Variants in GRIK3 observed in about 807,000 individuals in gnomAD.
GRIK3 encodes glutamate receptor ionotropic, kainate 3.
Under a neutral mutation model 102.5 loss-of-function variants are expected in GRIK3, and 29 were observed. The observed-to-expected ratio is 0.28, with a 90% confidence interval of 0.21 to 0.39. The LOEUF is 0.39. GRIK3 is among the 10% of genes least tolerant of loss of function. The pLI, the probability that GRIK3 is intolerant of heterozygous loss-of-function variation, is 1.00. For synonymous variants in GRIK3, 511 were observed against 504.9 expected (o/e 1.01, Z -0.16); for missense variants, 908 against 1,252.4 (o/e 0.73, Z 4.15).
At chr1:36,967,826 C>G (rs939844893) in intron 1 of GRIK3, among the ~76,000 whole-genome samples, 5 of 152,186 alleles carry the variant, frequency 3.3e-5, no homozygotes, top group African/African-American at 1.2e-4. Flanking sequence ...ATAGCAAAAG[C>G]ACATCCTGTT....
intron 13 of GRIK3, among the ~76,000 whole-genome samples, chr1:36,812,166 C>G (rs1055935003): frequency 9.2e-5 from 14 of 152,084 alleles, no homozygotes; most frequent in African/African-American, 3.4e-4. Context: ...AAGGAAGGGT[C>G]TGTCATGCAG....
intron 2 of GRIK3, among the ~76,000 whole-genome samples, chr1:36,887,771 AATAT>A (rs71053957): frequency 0.02 from 2,117 of 106,642 alleles, 56 homozygotes; most frequent in African/African-American, 0.074. Flanking sequence ...AAAAAAAAAA[AATAT>A]ATATATATAT....
chr1:36,848,454 T>C (rs1253777487), intron 9 of GRIK3, among the ~76,000 whole-genome samples: 1 of 152,206 alleles, frequency 6.6e-6, no homozygotes, highest in Non-Finnish European at 1.5e-5. Context: ...TATTATTTTA[T>C]TTTTACCCTT....
chr1:36,802,943 T>C (rs1270329319), intron 15 of GRIK3, among the ~76,000 whole-genome samples: 1 of 152,040 alleles, frequency 6.6e-6, no homozygotes, highest in Non-Finnish European at 1.5e-5. Context: ...AAATACTTAA[T>C]GCGACCCTAC....
intron 3 of GRIK3, among the ~76,000 whole-genome samples, chr1:36,875,007 T>C (rs1640897580): frequency 6.6e-6 from 1 of 152,214 alleles, no homozygotes; most frequent in African/African-American, 2.4e-5. Flanking sequence ...ATATCTGCAG[T>C]GAATCATGGT....
chr1:36,916,479 T>C (rs1394229994), intron 1 of GRIK3, among the ~76,000 whole-genome samples: 2 of 152,144 alleles, frequency 1.3e-5, no homozygotes, highest in Non-Finnish European at 2.9e-5. Context: ...TCAGAGGTCT[T>C]CATGGCAGCC....
chr1:36,940,995 C>T (rs1008101715), intron 1 of GRIK3, among the ~76,000 whole-genome samples: 2 of 152,208 alleles, frequency 1.3e-5, no homozygotes, highest in East Asian at 1.9e-4. Flanking sequence ...ATGATGTTTG[C>T]CATGTGTATT....
chr1:36,867,408 C>G (rs1434027086), intron 5 of GRIK3, among the ~76,000 whole-genome samples: 1 of 152,172 alleles, frequency 6.6e-6, no homozygotes, highest in Admixed American at 6.5e-5. Flanking sequence ...GATCCCCACT[C>G]ACTAATTTCC....
rs1642382504 is a variant in GRIK3, at chr1:36,797,637, C to T, written c.*4214G>A. On this transcript the variant is annotated 3_prime_UTR_variant, in exon 16 of 16. Transcript: ENST00000373091. ...ATGATAAGTCCATGCAGCTGTTTGT[C>T]CAAACCTCTAGCCCCTTTGCAGATG... is the stretch of plus-strand genomic sequence containing the variant. The T allele has an allele frequency of 6.6e-6, 1 of 152,268 alleles. No individual in the cohort carries two copies. Among genetic ancestry groups the T allele is most frequent in the East Asian group, 1.9e-4 (1 of 5,190 alleles). The allele number at this position is 152,268 out of a possible 1,614,324, so 9.4% of individuals were successfully genotyped here.
chr1:36,988,516 A>C (rs1642330184), intron 1 of GRIK3, among the ~76,000 whole-genome samples: 2 of 152,226 alleles, frequency 1.3e-5, no homozygotes, highest in Admixed American at 1.3e-4. Flanking sequence ...CCAGATGGGC[A>C]GCGACCTGAG....
intron 1 of GRIK3, among the ~76,000 whole-genome samples, chr1:37,003,996 G>A (rs548913935): frequency 5.3e-5 from 8 of 152,268 alleles, no homozygotes; most frequent in Non-Finnish European, 1.0e-4. Context: ...ACTTGAGGTA[G>A]TGGGGAGGAA....
intron 1 of GRIK3, among the ~76,000 whole-genome samples, chr1:36,949,570 C>CTTTTTTTTTTT (rs1557436911): frequency 7.4e-6 from 1 of 134,872 alleles, no homozygotes; most frequent in African/African-American, 2.9e-5. Context: ...CTCTCTCTCT[C>CTTTTTTTTTTT]TTTCTTTTTT....
chr1:36,948,370 G>A (rs1358212510), intron 1 of GRIK3, among the ~76,000 whole-genome samples: 1 of 152,224 alleles, frequency 6.6e-6, no homozygotes, highest in Non-Finnish European at 1.5e-5. Flanking sequence ...AGCACCTCCT[G>A]TGTGCTGATC....
chr1:36,942,029 T>C lies in GRIK3; in HGVS notation c.116-50933A>G, dbSNP rs369411075. ...TCTGTTTATTCAATGAATAATAATC[T>C]ACAGGGCCAAGCACTCTTTGAGGAT... is the stretch of plus-strand genomic sequence containing the variant. On this transcript the variant is annotated intron_variant, in intron 1 of 15. Coordinates refer to ENST00000373091, the MANE Select transcript of GRIK3 (RefSeq NM_000831.4). 2.7e-4 allele frequency among the ~76,000 whole-genome samples: 41 copies of C among 152,318 alleles called. No homozygotes were observed. The South Asian group carries it at 7.9e-3, about 29-fold the overall frequency.
chr1:36,949,541 T>C (rs1387766758), intron 1 of GRIK3, among the ~76,000 whole-genome samples: 1 of 151,830 alleles, frequency 6.6e-6, no homozygotes, highest in Admixed American at 6.6e-5. Flanking sequence ...TGTCTTTCTT[T>C]TCTTTCTTTT....
intron 11 of GRIK3, among the ~76,000 whole-genome samples, chr1:36,822,920 A>G (rs1642711141): frequency 6.6e-6 from 1 of 152,116 alleles, no homozygotes; most frequent in South Asian, 2.1e-4. Context: ...GTGGCAGTGA[A>G]AGGCCTTGCA....
At chr1:37,012,005 A>G (rs1483406926) in intron 1 of GRIK3, among the ~76,000 whole-genome samples, 1 of 152,140 alleles carries the variant, frequency 6.6e-6, no homozygotes, top group Non-Finnish European at 1.5e-5. Flanking sequence ...ATCTCTGTCT[A>G]TGGCCCCAGA....
intron 1 of GRIK3, among the ~76,000 whole-genome samples, chr1:36,984,054 G>A (rs964661106): frequency 6.6e-6 from 1 of 152,186 alleles, no homozygotes; most frequent in South Asian, 2.1e-4. Context: ...GACTGCAACA[G>A]CATGTTCTTC....
intron 10 of GRIK3, among the ~76,000 whole-genome samples, chr1:36,838,681 C>T (rs1021256346): frequency 2.0e-5 from 3 of 152,152 alleles, no homozygotes; most frequent in African/African-American, 4.8e-5. Flanking sequence ...AAATGGGCCC[C>T]GGGGGGTGGA....
Sources: gnomAD v4.1 joint callset for allele counts (sites outside exome capture counted in the v4.1 genomes callset) on GRCh38, gnomAD v4.1.1 for gene constraint, MANE v1.5 for transcripts, NCBI Gene and HGNC (gene_info 2026-07-23, HGNC 2026-07-21) for gene names.